Variants in GEMIN2 observed in about 807,000 individuals in gnomAD.
GEMIN2 encodes gem nuclear organelle associated protein 2, also known as gem-associated protein 2.
A neutral mutation model predicts 45.8 loss-of-function variants in GEMIN2; 37 were observed. The ratio of observed to expected loss-of-function variants is 0.81; its 90% CI spans 0.62 to 1.06. The LOEUF is 1.06. Among genes scored for constraint, GEMIN2 ranks in the 50% least tolerant of loss-of-function variants. GEMIN2 has a pLI of 0.00. For missense variants in GEMIN2, 335 were observed against 321.8 expected, an observed-to-expected ratio of 1.04 and a Z score of -0.31; for synonymous variants, 101 against 111.5, an observed-to-expected ratio of 0.91 and a Z score of 0.60.
intron 6 of GEMIN2, among the ~76,000 whole-genome samples, chr14:39,128,067 C>CA (rs1212260025): frequency 0.19 from 2,031 of 10,470 alleles, 635 homozygotes; most frequent in East Asian, 0.31. Flanking sequence ...GACTCTATCT[C>CA]AAAAAAAAAA....
chr14:39,133,264 TATTA>T (rs1456253798), intron 8 of GEMIN2, among the ~76,000 whole-genome samples: 1 of 145,292 alleles, frequency 6.9e-6, no homozygotes, highest in Admixed American at 7.2e-5. Context: ...AATATATATT[TATTA>T]TATATGAATA....
At chr14:39,133,810 T>C in intron 9 of GEMIN2, 91 bp downstream of exon 9, 1 of 734,990 alleles carries the variant, frequency 1.4e-6, no homozygotes, top group East Asian at 2.9e-5. Context: ...TTTGGTTGGT[T>C]TTTTTTTGAG....
chr14:39,122,715 ATG>A (rs1334169134), intron 5 of GEMIN2, 172 bp downstream of exon 5: 1 of 446,868 alleles, frequency 2.2e-6, no homozygotes, highest in Non-Finnish European at 4.0e-6. Context: ...AACAAATAAT[ATG>A]TGGCTGAGAC....
intron 2 of GEMIN2, 114 bp downstream of exon 2, chr14:39,115,027 CAA>C (rs2052483636): frequency 1.5e-6 from 1 of 645,566 alleles, no homozygotes; most frequent in Non-Finnish European, 2.8e-6. Context: ...CTACTCCGTG[CAA>C]AGTTAGACAT....
intron 9 of GEMIN2, among the ~76,000 whole-genome samples, chr14:39,136,034 A>T (rs1650458128): frequency 6.6e-6 from 1 of 152,152 alleles, no homozygotes; most frequent in Admixed American, 6.5e-5. Context: ...CAGTCTGGGA[A>T]ATGAGCCATG....
chr14:39,119,120 G>T (rs1450237965), intron 4 of GEMIN2, among the ~76,000 whole-genome samples: 2 of 151,950 alleles, frequency 1.3e-5, no homozygotes, highest in Admixed American at 6.6e-5. Context: ...ACTTTGGATA[G>T]GTGACTGTGA....
chr14:39,128,908 G>A (rs1370155698), intron 7 of GEMIN2, among the ~76,000 whole-genome samples: 1 of 152,064 alleles, frequency 6.6e-6, no homozygotes, highest in African/African-American at 2.4e-5. Flanking sequence ...CAAACTGTTT[G>A]GATTACAAGC....
chr14:39,128,648 G>A (rs539220561), intron 7 of GEMIN2, among the ~76,000 whole-genome samples: 2 of 151,092 alleles, frequency 1.3e-5, no homozygotes, highest in Non-Finnish European at 3.0e-5. Context: ...ATGCAGCCAC[G>A]CCCAGTTTTT....
intron 4 of GEMIN2, 56 bp from the exon 5 acceptor site, chr14:39,122,374 G>C: frequency 1.2e-6 from 1 of 849,406 alleles, no homozygotes; most frequent in Non-Finnish European, 1.9e-6. Context: ...TTTTTTTACT[G>C]TTCAGTGTAA....
At chr14:39,134,795 T>C (rs913918375) in intron 9 of GEMIN2, among the ~76,000 whole-genome samples, 1 of 152,150 alleles carries the variant, frequency 6.6e-6, no homozygotes, top group Non-Finnish European at 1.5e-5. Flanking sequence ...GTTAGAGTAA[T>C]GATCCAAACC....
At chr14:39,114,556 C>A in intron 1 of GEMIN2, 81 bp downstream of exon 1, 1 of 1,049,886 alleles carries the variant, frequency 9.5e-7, no homozygotes, top group South Asian at 1.5e-5. Context: ...ATTCCCGTTC[C>A]AGTCTGTTGC....
intron 9 of GEMIN2, among the ~76,000 whole-genome samples, chr14:39,135,583 T>G (rs1336127645): frequency 7.0e-6 from 1 of 143,318 alleles, no homozygotes; most frequent in African/African-American, 2.6e-5. Flanking sequence ...CGAAACTCCA[T>G]CTCAAAAAAA....
chr14:39,121,034 A>C (rs932396691), intron 4 of GEMIN2, among the ~76,000 whole-genome samples: 18 of 152,236 alleles, frequency 1.2e-4, no homozygotes, highest in Non-Finnish European at 1.5e-4. Flanking sequence ...TCTGTCTGGC[A>C]GCATGAGTAG....
At chr14:39,125,975 G>T (rs576535471) in intron 6 of GEMIN2, among the ~76,000 whole-genome samples, 1 of 151,306 alleles carries the variant, frequency 6.6e-6, no homozygotes, top group Admixed American at 6.6e-5. Context: ...AGCCGAGATC[G>T]TGCCATTGCA....
At chr14:39,133,294 TAA>T (rs1001934776) in intron 8 of GEMIN2, among the ~76,000 whole-genome samples, 41 of 86,802 alleles carry the variant, frequency 4.7e-4, no homozygotes, top group African/African-American at 1.6e-3. Context: ...TCACTACAGT[TAA>T]GACACATATA....
At chr14:39,127,935 G>A (rs576997967) in intron 6 of GEMIN2, among the ~76,000 whole-genome samples, 1 of 152,058 alleles carries the variant, frequency 6.6e-6, no homozygotes, top group South Asian at 2.1e-4. Flanking sequence ...GGACGTGGTG[G>A]TGCACGCATG....
chr14:39,136,386 A>T, intron 9 of GEMIN2, 54 bp from the exon 10 acceptor site: 1 of 916,314 alleles, frequency 1.1e-6, no homozygotes, highest in Non-Finnish European at 1.8e-6. Context: ...GCTATTAAAA[A>T]TAGTGCTACA....
intron 2 of GEMIN2, among the ~76,000 whole-genome samples, chr14:39,116,507 C>T (rs1277911345): frequency 4.0e-5 from 6 of 151,392 alleles, no homozygotes; most frequent in African/African-American, 7.3e-5. Context: ...ACCTCTGCCT[C>T]CCGGGTTCAC....
chr14:39,122,594 C>A (rs745928951), intron 5 of GEMIN2, 51 bp downstream of exon 5: 22 of 963,634 alleles, frequency 2.3e-5, no homozygotes, highest in South Asian at 2.2e-4. Context: ...TTTTGGTGCA[C>A]CACTTAATAT....
Sources: allele counts gnomAD v4.1 joint callset (sites outside exome capture counted in the v4.1 genomes callset), GRCh38; gene constraint gnomAD v4.1.1; transcripts MANE v1.5; gene names NCBI Gene and HGNC (gene_info 2026-07-23, HGNC 2026-07-21).